DNAH17: variants seen among roughly 807,000 people sequenced by gnomAD.
The protein encoded by DNAH17 is axonemal beta dynein heavy chain 17.
A neutral mutation model predicts 485.6 loss-of-function variants in DNAH17; 376 were observed. The ratio of observed to expected loss-of-function variants is 0.77; its 90% confidence interval spans 0.71 to 0.84. The LOEUF (loss-of-function observed/expected upper bound fraction) is 0.84, where lower values mean the gene tolerates loss of function less well. Ranked by LOEUF, DNAH17 falls within the 40% of genes least tolerant of loss-of-function variation. The pLI is 0.00. For missense variants in DNAH17, 6,370 were observed against 5,839.3 expected (o/e 1.09, Z -2.96); for synonymous variants, 3,031 against 2,405.9 (o/e 1.26, Z -7.60).
chr17:78,574,759 T>C lies in DNAH17; in HGVS notation c.299A>G (p.Asp100Gly). The change falls in exon 2 of 81, where the codon GAC becomes GGC. Residue 100 changes from aspartate (D) to glycine (G), a missense_variant. Coordinates refer to ENST00000389840, the MANE Select transcript of DNAH17 (RefSeq NM_173628.4). ...DNYRARLLYG[D>G]ISPTPVDQLI... ...CTGGTCCACGGGTGTGGGGCTGATG[T>C]CGCCGTAAAGGAGCCGGGCCCTGTA... 6.2e-7 allele frequency: 1 copy of C among 1,613,610 alleles called. No individual in the cohort carries two copies. The highest frequency in any genetic ancestry group is 8.5e-7 in the Non-Finnish European group (1 of 1,179,662).
Position 78,535,382 on chromosome 17 carries a change from C to T in DNAH17, c.2859+1917G>A, listed in dbSNP as rs147249998. Among the ~76,000 whole-genome samples the T allele has an allele frequency of 3.0e-3, 451 of 152,326 alleles. 1 individual carries two copies. The highest frequency in any genetic ancestry group is 9.9e-3 in the African/African-American group (410 of 41,574). On this transcript the variant is annotated intron_variant, in intron 19 of 80. Transcript: ENST00000389840. ...AACCTCCTCCCACCCTTCCAGAATCCGCTCACACGCCCACTCCTCTCAGGA... is the reference window on the plus strand; with the variant it reads ...AACCTCCTCCCACCCTTCCAGAATCTGCTCACACGCCCACTCCTCTCAGGA...
chr17:78,469,027 A>C (rs571137756), intron 54 of DNAH17, 144 bp from the exon 55 acceptor site: 25 of 1,049,366 alleles, frequency 2.4e-5, no homozygotes, highest in Non-Finnish European at 3.2e-5. Flanking sequence ...GCAATGGCAC[A>C]ATCTCGGCTC....
Position 78,507,553 on chromosome 17 carries a change from T to A in DNAH17, c.4489A>T (p.Ser1497Cys). The A allele has an allele frequency of 6.2e-7, 1 of 1,614,066 alleles. No homozygotes were observed. Among genetic ancestry groups the A allele is most frequent in the Non-Finnish European group, 8.5e-7 (1 of 1,179,916 alleles). Residue 1497 changes from serine to cysteine, a missense_variant, in exon 28 of 81, where the codon AGC (serine) becomes TGC (cysteine). Physicochemically the swap from Ser to Cys is moderately radical, Grantham distance 112. Transcript: ENST00000389840. ...CCGATGAAGATGCTCTCCAGGTGGC[T>A]CCAGGTTCGCTGGACCTCAAACCAG... ...SIWFEVQRTW[S>C]HLESIFIGSE... is the part of the protein sequence containing the mutation.
chr17:78,497,774 T>TA (rs1465999430), intron 37 of DNAH17, among the ~76,000 whole-genome samples: 10 of 152,210 alleles, frequency 6.6e-5, no homozygotes, highest in South Asian at 6.2e-4. Context: ...AACACCGCCT[T>TA]ACAGGTTAGA....
intron 18 of DNAH17, among the ~76,000 whole-genome samples, chr17:78,538,306 CCT>C (rs1334059522): frequency 1.3e-5 from 2 of 152,106 alleles, no homozygotes; most frequent in African/African-American, 2.4e-5. Context: ...TCTGGAGGCC[CCT>C]GTGAGGCTGC....
chr17:78,474,271 C>T (rs963728513), intron 54 of DNAH17, among the ~76,000 whole-genome samples: 3 of 152,232 alleles, frequency 2.0e-5, no homozygotes, highest in African/African-American at 2.4e-5. Flanking sequence ...CCCACAACAG[C>T]GGCCCCAGCA....
At chr17:78,456,164 TG>T (rs961662516) in intron 62 of DNAH17, among the ~76,000 whole-genome samples, 1 of 152,090 alleles carries the variant, frequency 6.6e-6, no homozygotes, top group African/African-American at 2.4e-5. Flanking sequence ...CCAGGCGTGG[TG>T]GCCCATGCCT....
At chr17:78,556,708 A>G (rs2143610117) in intron 14 of DNAH17, among the ~76,000 whole-genome samples, 1 of 152,266 alleles carries the variant, frequency 6.6e-6, no homozygotes, top group Admixed American at 6.5e-5. Context: ...TTGTACAGGG[A>G]TGTTTGTAGC....
intron 65 of DNAH17, among the ~76,000 whole-genome samples, chr17:78,452,888 G>A (rs1906283782): frequency 6.6e-6 from 1 of 152,354 alleles, no homozygotes; most frequent in Non-Finnish European, 1.5e-5. Context: ...GGAGGGGAAT[G>A]AAGAAGAGTG....
In DNAH17 at chr17:78,501,176, G is replaced by A; in HGVS notation, c.5483+8C>T. 1 of 1,573,026 alleles carries A rather than the reference G, an allele frequency of 6.4e-7. No individual in the cohort carries two copies. The highest frequency in any genetic ancestry group is 1.2e-5 in the South Asian group (1 of 85,446). ...AGCACATGTGAGTTACTCAGGGACG[G>A]GCCTCACCTGTCAGTGAGTGGGGTG... On this transcript the variant is annotated splice_region_variant and intron_variant, in intron 35 of 80. Coordinates refer to ENST00000389840, the MANE Select transcript of DNAH17 (RefSeq NM_173628.4).
At chr17:78,537,055 G>A (rs1396965184) in intron 19 of DNAH17, among the ~76,000 whole-genome samples, 1 of 151,824 alleles carries the variant, frequency 6.6e-6, no homozygotes, top group African/African-American at 2.4e-5. Flanking sequence ...GCGGGTGCCT[G>A]TAATCCCAGC....
chr17:78,540,209 T>TG (rs776865720), intron 17 of DNAH17, among the ~76,000 whole-genome samples: 5 of 59,730 alleles, frequency 8.4e-5, no homozygotes, highest in South Asian at 1.0e-3. Flanking sequence ...CAGAATTATT[T>TG]TATTTGTCTT....
intron 26 of DNAH17, among the ~76,000 whole-genome samples, 178 bp downstream of exon 26, chr17:78,514,596 A>G (rs2090729315): frequency 6.6e-6 from 1 of 151,974 alleles, no homozygotes; most frequent in African/African-American, 2.4e-5. Context: ...ACCACCCCCA[A>G]CCAGCGTGGA....
intron 65 of DNAH17, 113 bp from the exon 66 acceptor site, chr17:78,451,786 T>C: frequency 1.2e-6 from 1 of 815,742 alleles, no homozygotes; most frequent in South Asian, 1.8e-5. Flanking sequence ...CCTTGAACCC[T>C]CCCTTCTGGT....
At chr17:78,496,058 T>C in intron 37 of DNAH17, 26 bp from the exon 38 acceptor site, 2 of 1,601,786 alleles carry the variant, frequency 1.2e-6, no homozygotes, top group Admixed American at 1.7e-5. Flanking sequence ...CACAGACATG[T>C]TAGCATGGAA....
intron 7 of DNAH17, 117 bp downstream of exon 7, chr17:78,570,130 G>T: frequency 8.2e-7 from 1 of 1,220,630 alleles, no homozygotes; most frequent in Non-Finnish European, 1.1e-6. Flanking sequence ...GGCTTGTGCT[G>T]ACATCTTGGC....
chr17:78,568,545 G>C (rs1038552788), intron 9 of DNAH17, among the ~76,000 whole-genome samples: 2 of 151,826 alleles, frequency 1.3e-5, no homozygotes, highest in Non-Finnish European at 2.9e-5. Flanking sequence ...ACCCCGTCTT[G>C]ATCCCTCTCA....
chr17:78,445,370 G>C (rs907620150), intron 70 of DNAH17, among the ~76,000 whole-genome samples, 188 bp downstream of exon 70: 1 of 152,158 alleles, frequency 6.6e-6, no homozygotes, highest in Non-Finnish European at 1.5e-5. Context: ...CTATAGGAAC[G>C]CAGAGCTATC....
chr17:78,459,145 G>C lies in DNAH17; in HGVS notation c.9717C>G (p.Ala3239=), dbSNP rs139000751. The C allele has an allele frequency of 6.2e-7, 1 of 1,613,936 alleles. No homozygotes were observed. The highest frequency in any genetic ancestry group is 8.5e-7 in the Non-Finnish European group (1 of 1,179,858). ...TGTTGATGCACCAGGAGCACAGGCC[G>C]GCGGCGGCCGTGGACTTGGAGCGGA... The part of the protein sequence containing the change: ...EFIRSKSTAA[A]GLCSWCINIV... The change falls in exon 61 of 81, where the codon GCC becomes GCG. Residue 3239 remains alanine (A), a synonymous_variant. Coordinates refer to ENST00000389840, the MANE Select transcript of DNAH17 (RefSeq NM_173628.4).
Sources: allele counts gnomAD v4.1 joint callset (sites outside exome capture counted in the v4.1 genomes callset), GRCh38; gene constraint gnomAD v4.1.1; transcripts MANE v1.5; gene names NCBI Gene and HGNC (gene_info 2026-07-23, HGNC 2026-07-21).